Variants in FBRSL1 observed in about 807,000 individuals in gnomAD.
FBRSL1 encodes the protein fibrosin like 1, also known as fibrosin-1-like protein.
Under a neutral mutation model 89.6 loss-of-function variants are expected in FBRSL1, and 51 were observed. That is an observed-to-expected ratio of 0.57 (90% CI 0.45 to 0.72). FBRSL1 has a LOEUF of 0.72. Ranked by LOEUF, FBRSL1 falls within the 30% of genes least tolerant of loss-of-function variation. The pLI, the probability that FBRSL1 is intolerant of heterozygous loss-of-function variation, is 0.00. For synonymous variants in FBRSL1, 779 were observed against 681.1 expected (o/e 1.14, Z -2.24); for missense variants, 1,618 against 1,451.8 (o/e 1.11, Z -1.86).
At chr12:132,572,153 G>A (rs1341297103) in intron 9 of FBRSL1, 135 bp from the exon 10 acceptor site, 11 of 737,420 alleles carry the variant, frequency 1.5e-5, no homozygotes, top group Admixed American at 2.6e-5. Context: ...AGCCTGGGAC[G>A]GCTGGCCGAA....
chr12:132,502,411 G>A (rs998871067), intron 1 of FBRSL1, among the ~76,000 whole-genome samples: 2 of 152,226 alleles, frequency 1.3e-5, no homozygotes, highest in Non-Finnish European at 2.9e-5. Flanking sequence ...TGGTTTGAAG[G>A]GTGAGACTGC....
At chr12:132,560,645 C>T (rs899931060) in intron 5 of FBRSL1, among the ~76,000 whole-genome samples, 1 of 152,196 alleles carries the variant, frequency 6.6e-6, no homozygotes, top group Admixed American at 6.5e-5. Flanking sequence ...GGCTGCTCCG[C>T]GGGTCGGGTC....
intron 2 of FBRSL1, 125 bp from the exon 3 acceptor site, chr12:132,525,609 T>G: frequency 1.4e-6 from 1 of 729,824 alleles, no homozygotes; most frequent in Non-Finnish European, 2.3e-6. Flanking sequence ...GCCCAGCGGC[T>G]GTCGGGGCGC....
At chr12:132,555,364 G>A (rs10781618) in intron 5 of FBRSL1, among the ~76,000 whole-genome samples, 9,971 of 101,908 alleles carry the variant, frequency 0.098, 355 homozygotes, top group Non-Finnish European at 0.15. Context: ...CTCCACGGTA[G>A]CCGCCCCACC....
chr12:132,534,871 C>T (rs2036581361), intron 4 of FBRSL1, among the ~76,000 whole-genome samples: 1 of 152,218 alleles, frequency 6.6e-6, no homozygotes, highest in South Asian at 2.1e-4. Flanking sequence ...GGGGTTGGAC[C>T]CTGGCCTGGA....
chr12:132,542,821 G>T (rs958773435), intron 4 of FBRSL1, among the ~76,000 whole-genome samples: 1 of 152,256 alleles, frequency 6.6e-6, no homozygotes, highest in Non-Finnish European at 1.5e-5. Flanking sequence ...TGAGCAGTGG[G>T]ATCAGGCGGC....
At chr12:132,503,013 C>T (rs1199844354) in intron 1 of FBRSL1, among the ~76,000 whole-genome samples, 3 of 151,940 alleles carry the variant, frequency 2.0e-5, no homozygotes, top group Non-Finnish European at 4.4e-5. Flanking sequence ...GCAGGTAGCT[C>T]TTCCCGGCCC....
At chr12:132,509,111 G>T (rs1232406860) in intron 2 of FBRSL1, 3 of 1,187,778 alleles carry the variant, frequency 2.5e-6, no homozygotes, top group Non-Finnish European at 3.2e-6. Context: ...CTGGACGGGG[G>T]TTCCGCGGGC....
chr12:132,529,325 G>A (rs1298773150), intron 4 of FBRSL1, among the ~76,000 whole-genome samples: 2 of 152,220 alleles, frequency 1.3e-5, no homozygotes, highest in Non-Finnish European at 2.9e-5. Flanking sequence ...TGGTGGCAGA[G>A]CAGGAAGCGG....
intron 2 of FBRSL1, 33 bp from the exon 3 acceptor site, chr12:132,525,701 G>T (rs900913889): frequency 2.6e-6 from 4 of 1,517,058 alleles, no homozygotes; most frequent in Admixed American, 3.9e-5. Context: ...TGAGGTGGGG[G>T]TTTGCCTGAG....
Position 132,508,241 on chromosome 12 carries a change from C to G in FBRSL1, c.380C>G (p.Pro127Arg). 6.4e-7 allele frequency: 1 copy of G among 1,550,996 alleles called. No individual in the cohort carries two copies. The highest frequency in any genetic ancestry group is 1.2e-5 in the South Asian group (1 of 84,066). Residue 127 changes from proline to arginine, a missense_variant, in exon 2 of 19, where the codon CCT becomes CGT. Physicochemically the swap from Pro to Arg is moderately radical, Grantham distance 103 (BLOSUM62 -2). Coordinates refer to ENST00000680143, the MANE Select transcript of FBRSL1 (RefSeq NM_001367871.1). ...KKPRESETCP[P>R]AEPSENRRPL... ...CCCCGGGAGTCGGAAACCTGCCCCC[C>G]TGCGGAGCCCAGTGAGAACAGGCGG...
At chr12:132,550,345 A>G (rs1408568189) in intron 5 of FBRSL1, among the ~76,000 whole-genome samples, 1 of 151,948 alleles carries the variant, frequency 6.6e-6, no homozygotes, top group East Asian at 1.9e-4. Flanking sequence ...CAGCTCCGCC[A>G]AACACTGAGT....
intron 18 of FBRSL1, among the ~76,000 whole-genome samples, chr12:132,582,651 C>T (rs909860294): frequency 6.6e-5 from 10 of 152,070 alleles, no homozygotes; most frequent in African/African-American, 2.4e-4. Flanking sequence ...GCGCCCTGAC[C>T]CACGGAGTTT....
At chr12:132,524,724 G>T (rs545748142) in intron 2 of FBRSL1, among the ~76,000 whole-genome samples, 2 of 152,342 alleles carry the variant, frequency 1.3e-5, no homozygotes, top group East Asian at 1.9e-4. Flanking sequence ...GAGGGAGACC[G>T]CTGGGCTTCC....
chr12:132,522,809 G>A (rs79986597), intron 2 of FBRSL1, among the ~76,000 whole-genome samples: 26 of 152,362 alleles, frequency 1.7e-4, no homozygotes, highest in East Asian at 1.5e-3. Flanking sequence ...CGTTGGTGCC[G>A]TCAGTGAGCT....
At chr12:132,552,087 C>T (rs1388077959) in intron 5 of FBRSL1, 1 of 201,970 alleles carries the variant, frequency 5.0e-6, no homozygotes, top group African/African-American at 2.3e-5. Context: ...GGCAGCCCAC[C>T]ATCCACAGCC....
chr12:132,535,557 C>T (rs529266684), intron 4 of FBRSL1, among the ~76,000 whole-genome samples: 121 of 152,358 alleles, frequency 7.9e-4, no homozygotes, highest in Middle Eastern at 3.4e-3. Context: ...CATCCCAGCT[C>T]TCCCAGAGAG....
At chr12:132,543,081 G>A (rs1342911989) in intron 4 of FBRSL1, among the ~76,000 whole-genome samples, 1 of 152,196 alleles carries the variant, frequency 6.6e-6, no homozygotes, top group Admixed American at 6.5e-5. Context: ...GGGCTCAGAT[G>A]CCTCTGAGGG....
Position 132,507,418 on chromosome 12 carries a change from G to A in FBRSL1, c.292-735G>A, listed in dbSNP as rs910849083. 10 of 985,524 alleles carry A rather than the reference G, an allele frequency of 1.0e-5. No homozygotes were observed. In the African/African-American group the frequency reaches 1.7e-4, roughly 17 times the overall value. 61.0% of individuals were successfully genotyped at this position (985,524 alleles called of 1,614,324 possible). On this transcript the variant is annotated intron_variant, in intron 1 of 18. Coordinates refer to ENST00000680143, the MANE Select transcript of FBRSL1 (RefSeq NM_001367871.1). ...TTACTAGTGGTTTATCGAGTGTGGA[G>A]GTGGGGACCCCAGAACCTGGGGCTG...
Sources: allele counts gnomAD v4.1 joint callset (sites outside exome capture counted in the v4.1 genomes callset), GRCh38; gene constraint gnomAD v4.1.1; transcripts MANE v1.5; gene names NCBI Gene and HGNC (gene_info 2026-07-23, HGNC 2026-07-21).